The following PPEF2 variants were observed in gnomAD, a reference collection of about 807,000 sequenced individuals.
PPEF2 encodes the protein serine/threonine-protein phosphatase with EF-hands 2.
PPEF2 carries 84 observed loss-of-function variants against 84.7 expected under a neutral mutation model. That is an observed-to-expected ratio of 0.99 (90% confidence interval 0.83 to 1.19). The LOEUF is 1.19. PPEF2 is among the 50% of genes most tolerant of loss of function. The pLI is 0.00. For missense variants in PPEF2, 924 were observed against 937.5 expected (o/e 0.99, Z 0.19); for synonymous variants, 346 against 345.2 (o/e 1.00, Z -0.03).
rs1392156402 is a variant in PPEF2, at chr4:75,867,355, C to G, written c.1714G>C (p.Asp572His). The part of the protein sequence containing the change: ...LREKLFAHSS[D>H]LLSEFKKHDA... Reference sequence around the variant, plus strand: ...TGCTTCTTAAATTCACTGAGAAGATCTGAAGAATGAGCAAACAGCTTCTCC... The same window carrying G: ...TGCTTCTTAAATTCACTGAGAAGATGTGAAGAATGAGCAAACAGCTTCTCC... Residue 572 changes from aspartate (D) to histidine (H), a missense_variant, in exon 14 of 17, where the codon GAT becomes CAT. Coordinates refer to ENST00000286719, the MANE Select transcript of PPEF2 (RefSeq NM_006239.3). The G allele has an allele frequency of 6.2e-7, 1 of 1,613,898 alleles. No homozygotes were observed. The highest frequency in any genetic ancestry group is 2.2e-5 in the East Asian group (1 of 44,888).
intron 7 of PPEF2, 28 bp downstream of exon 7, chr4:75,886,824 G>T (rs201075632): frequency 7.9e-6 from 11 of 1,397,724 alleles, no homozygotes; most frequent in Non-Finnish European, 1.1e-5. Context: ...TTCAGAGCAA[G>T]AAAGCAACTT....
At chr4:75,895,785 G>A (rs1724996443) in intron 2 of PPEF2, among the ~76,000 whole-genome samples, 1 of 151,942 alleles carries the variant, frequency 6.6e-6, no homozygotes. Context: ...TGTCGTCCAG[G>A]CTGGTTTCAA....
intron 11 of PPEF2, 105 bp from the exon 12 acceptor site, chr4:75,873,417 A>G (rs1724333829): frequency 9.2e-7 from 1 of 1,086,952 alleles, no homozygotes; most frequent in African/African-American, 1.6e-5. Context: ...GAATAAAAAT[A>G]AGTGAATAAA....
chr4:75,894,343 T>C (rs1724960058), intron 2 of PPEF2, among the ~76,000 whole-genome samples: 1 of 152,204 alleles, frequency 6.6e-6, no homozygotes, highest in African/African-American at 2.4e-5. Flanking sequence ...AATAAAAACT[T>C]AATGAATTAT....
chr4:75,875,414 G>C (rs1403090241), intron 11 of PPEF2, among the ~76,000 whole-genome samples: 1 of 152,100 alleles, frequency 6.6e-6, no homozygotes, highest in African/African-American at 2.4e-5. Context: ...TTCAAGACCA[G>C]CCTGGGCAAC....
rs921869624 is a variant in PPEF2 at position 75,883,053 on chromosome 4, C to T, written c.806G>A (p.Arg269Lys). 1.2e-6 allele frequency: 2 copies of T among 1,613,934 alleles called. No individual in the cohort carries two copies. Among genetic ancestry groups the T allele is most frequent in the African/African-American group, 1.3e-5 (1 of 74,914 alleles). The change falls in exon 10 of 17, where the codon AGA becomes AAA. Residue 269 changes from arginine to lysine, a missense_variant. By Grantham distance (26) the Arg-to-Lys change is conservative. Transcript: ENST00000286719. ...KYKVHGKEIL[R>K]TLQDVFCWLP... ...CCAACAGAAAACATCTTGCAGGGTT[C>T]TTAGTATTTCCTTCCCGTGTACCTG...
chr4:75,900,465 G>T (rs1021679804), intron 1 of PPEF2, among the ~76,000 whole-genome samples: 1 of 152,124 alleles, frequency 6.6e-6, no homozygotes, highest in African/African-American at 2.4e-5. Flanking sequence ...AGGACAAAAA[G>T]GATATGTTTT....
In PPEF2 at chr4:75,891,555, A is replaced by T. The variant is rs547956241; in HGVS notation, c.241+93T>A. ...TTGCTTATTCCCTGGCTGTCACCAG[A>T]TTCACGGTTTCACTCCCTGTGCATC... On this transcript the variant is annotated intron_variant, in intron 4 of 16. Coordinates refer to ENST00000286719, the MANE Select transcript of PPEF2 (RefSeq NM_006239.3). 1.7e-5 allele frequency: 23 copies of T among 1,391,568 alleles called. No individual in the cohort carries two copies. The Admixed American group carries it at 4.3e-4, about 26-fold the overall frequency. 86.2% of individuals were successfully genotyped at this position (1,391,568 alleles called of 1,614,324 possible).
chr4:75,890,488 CAA>C (rs10710879), intron 4 of PPEF2, among the ~76,000 whole-genome samples: 414 of 124,556 alleles, frequency 3.3e-3, no homozygotes, highest in Middle Eastern at 0.017. Flanking sequence ...GACCCTGTCT[CAA>C]AAAAAAAAAA....
intron 2 of PPEF2, among the ~76,000 whole-genome samples, chr4:75,894,590 GC>G (rs1355151177): frequency 6.6e-6 from 1 of 152,196 alleles, no homozygotes; most frequent in African/African-American, 2.4e-5. Flanking sequence ...AGTCAGGCAG[GC>G]CCCAGGGGAA....
At chr4:75,889,531 A>C (rs1724823202) in intron 5 of PPEF2, among the ~76,000 whole-genome samples, 1 of 152,202 alleles carries the variant, frequency 6.6e-6, no homozygotes, top group Non-Finnish European at 1.5e-5. Context: ...AACTTAGTTT[A>C]TTCTTTTCCA....
chr4:75,890,272 G>A, intron 4 of PPEF2, 140 bp from the exon 5 acceptor site: 2 of 902,918 alleles, frequency 2.2e-6, no homozygotes, highest in Non-Finnish European at 3.3e-6. Context: ...GATTGCTTGA[G>A]CCCAGGAGTT....
chr4:75,900,851 G>A (rs1270407499), intron 1 of PPEF2, among the ~76,000 whole-genome samples: 1 of 151,968 alleles, frequency 6.6e-6, no homozygotes, highest in Non-Finnish European at 1.5e-5. Context: ...AAGGCAAGTC[G>A]ATATGTAATC....
intron 7 of PPEF2, among the ~76,000 whole-genome samples, chr4:75,886,247 C>CGGATAGCCAGTCTCCCAATGGCCTG (rs1429303815): frequency 6.6e-6 from 1 of 152,180 alleles, no homozygotes; most frequent in Non-Finnish European, 1.5e-5. Flanking sequence ...CAGTTGGCCT[C>CGGATAGCCAGTCTCCCAATGGCCTG]GGATAGCCAG....
At chr4:75,889,733 A>T (rs991580937) in intron 5 of PPEF2, among the ~76,000 whole-genome samples, 3 of 152,202 alleles carry the variant, frequency 2.0e-5, no homozygotes, top group Non-Finnish European at 2.9e-5. Flanking sequence ...GTGTGGGATG[A>T]ATGAACAATG....
intron 8 of PPEF2, chr4:75,883,439 AT>A: frequency 1.8e-6 from 1 of 545,288 alleles, no homozygotes; most frequent in South Asian, 2.5e-5. Flanking sequence ...ACTATCATGA[AT>A]CTCTATTATT....
intron 10 of PPEF2, among the ~76,000 whole-genome samples, chr4:75,879,872 T>C (rs1274311218): frequency 6.6e-6 from 1 of 152,032 alleles, no homozygotes; most frequent in South Asian, 2.1e-4. Context: ...CACTCTCACT[T>C]AGGCTGGAGT....
intron 1 of PPEF2, among the ~76,000 whole-genome samples, chr4:75,900,969 A>T (rs1725107426): frequency 6.6e-6 from 1 of 152,214 alleles, no homozygotes. Flanking sequence ...AGTATATAAA[A>T]ATGAAAGACT....
intron 10 of PPEF2, among the ~76,000 whole-genome samples, chr4:75,879,138 G>A (rs1163302371): frequency 2.0e-5 from 3 of 152,196 alleles, no homozygotes; most frequent in Non-Finnish European, 4.4e-5. Context: ...AGTGGAGGGA[G>A]GCTCCAGTAC....
Sources: allele counts gnomAD v4.1 joint callset (sites outside exome capture counted in the v4.1 genomes callset), GRCh38; gene constraint gnomAD v4.1.1; transcripts MANE v1.5; gene names NCBI Gene and HGNC (gene_info 2026-07-23, HGNC 2026-07-21).